LIAS: variants seen among roughly 807,000 people sequenced by gnomAD.
LIAS encodes lipoyl synthase, mitochondrial.
LIAS carries 36 observed loss-of-function variants against 49.4 expected under a neutral mutation model. The ratio of observed to expected loss-of-function variants is 0.73; its 90% CI spans 0.56 to 0.96. The LOEUF (loss-of-function observed/expected upper bound fraction) is 0.96. Among genes scored for constraint, LIAS ranks in the 40% least tolerant of loss-of-function variants. The pLI is 0.00. For synonymous variants in LIAS, 145 were observed against 155.8 expected (o/e 0.93, Z 0.52); for missense variants, 399 against 456.3 (o/e 0.87, Z 1.14).
chr4:39,463,547 C>G lies in LIAS; in HGVS notation c.335C>G (p.Pro112Arg). Reference protein sequence around the residue: ...LHTVCEEARCPNIGECWGGGE... With the variant: ...LHTVCEEARCRNIGECWGGGE... ...CAGGTATGTGAGGAAGCTCGATGTC[C>G]CAATATTGGAGAGTGTTGGGGAGGT... The change falls in exon 4 of 11, where the codon CCC (proline) becomes CGC (arginine). Residue 112 changes from proline to arginine, a missense_variant. Pro to Arg is a moderately radical substitution (Grantham distance 103, BLOSUM62 -2). Around this residue, in one of 3 missense-constraint regions of LIAS, gnomAD observed 159 missense variants for 147.6 expected, o/e 1.08. Coordinates refer to ENST00000640888, the MANE Select transcript of LIAS (RefSeq NM_006859.4). 6.2e-7 allele frequency: 1 copy of G among 1,609,242 alleles called. No homozygotes were observed. Among genetic ancestry groups the G allele is most frequent in the Non-Finnish European group, 8.5e-7 (1 of 1,177,212 alleles).
chr4:39,461,040 A>G, intron 2 of LIAS, 78 bp downstream of exon 2: 1 of 1,234,436 alleles, frequency 8.1e-7, no homozygotes, highest in Non-Finnish European at 1.1e-6. Context: ...AAGCCCTAGA[A>G]TCTGTTTTTA....
intron 10 of LIAS, chr4:39,476,224 T>C (rs1745187987): frequency 6.6e-6 from 1 of 152,218 alleles, no homozygotes; most frequent in Non-Finnish European, 1.5e-5. Flanking sequence ...TGATGAGCAT[T>C]AGACTAAAAT....
chr4:39,470,037 G>A lies in LIAS; in HGVS notation c.756G>A (p.Arg252=). The change falls in exon 8 of 11, where the codon CGG becomes CGA. Residue 252 remains arginine, a synonymous_variant. Coordinates refer to ENST00000640888, the MANE Select transcript of LIAS (RefSeq NM_006859.4). ...PELQSKVRDP[R]ANFDQSLRVL... The stretch of plus-strand genomic sequence containing the variant: ...TTTCCAGTAAGGTTCGTGATCCTCG[G>A]GCCAATTTTGATCAGTCCCTACGTG... 1 of 1,608,442 alleles carries A rather than the reference G, an allele frequency of 6.2e-7. No individual in the cohort carries two copies. Among genetic ancestry groups the A allele is most frequent in the Non-Finnish European group, 8.5e-7 (1 of 1,176,374 alleles).
Position 39,477,819 on chromosome 4 carries a change from C to CA in LIAS, c.*710dup, listed in dbSNP as rs1745252530. The CA allele has an allele frequency of 2.0e-5, 3 of 152,136 alleles. No homozygotes were observed. Among genetic ancestry groups the CA allele is most frequent in the South Asian group, 2.1e-4 (1 of 4,806 alleles). The allele number at this position is 152,136 out of a possible 1,614,324, so 9.4% of individuals were successfully genotyped here. On this transcript the variant is annotated 3_prime_UTR_variant, in exon 11 of 11. Transcript: ENST00000640888. ...GCAACATGATGAGACCTTATCTCTA[C>CA]AAAAAATTAGCCAGACGTGGTGGCA...
rs1453175268 is a variant in LIAS, at chr4:39,463,752, T to C, written c.393+147T>C. On this transcript the variant is annotated intron_variant, in intron 4 of 10. Coordinates refer to ENST00000640888, the MANE Select transcript of LIAS (RefSeq NM_006859.4). ...TGAAAAATATTAAGAAAAAACCTGA[T>C]GGAATAATCCAACCTGTTGTAATCT... 7.5e-6 allele frequency: 10 copies of C among 1,339,472 alleles called. No individual in the cohort carries two copies. The East Asian group carries it at 2.8e-4, about 37-fold the overall frequency. 83.0% of individuals were successfully genotyped at this position (1,339,472 alleles called of 1,614,324 possible).
At chr4:39,459,748 G>A (rs978562102) in intron 1 of LIAS, among the ~76,000 whole-genome samples, 5 of 152,084 alleles carry the variant, frequency 3.3e-5, no homozygotes, top group African/African-American at 1.2e-4. Context: ...ATGTAACCTA[G>A]AAAGTAAAAA....
chr4:39,477,246 T>G lies in LIAS; in HGVS notation c.*131T>G. The G allele has an allele frequency of 2.9e-6, 2 of 684,288 alleles. No individual in the cohort carries two copies. The highest frequency in any genetic ancestry group is 5.0e-6 in the Non-Finnish European group (2 of 400,844). 42.4% of individuals were successfully genotyped at this position (684,288 alleles called of 1,614,324 possible). The stretch of plus-strand genomic sequence containing the variant: ...CTTTGCTTAAAAAAAAAAATGTCAA[T>G]AGCCAGGCATAGTGGCTCACGCCTG... On this transcript the variant is annotated 3_prime_UTR_variant, in exon 11 of 11. Coordinates refer to ENST00000640888, the MANE Select transcript of LIAS (RefSeq NM_006859.4).
chr4:39,465,131 C>A lies in LIAS; in HGVS notation c.479C>A (p.Pro160His). The A allele has an allele frequency of 2.5e-6, 4 of 1,614,146 alleles. No individual in the cohort carries two copies. Among genetic ancestry groups the A allele is most frequent in the Non-Finnish European group, 3.4e-6 (4 of 1,180,004 alleles). The change falls in exon 5 of 11, where the codon CCC becomes CAC. Residue 160 changes from proline (P) to histidine (H), a missense_variant. Physicochemically the swap from Pro to His is moderately conservative, Grantham distance 77. Around this residue, in one of 3 missense-constraint regions of LIAS, gnomAD observed 234 missense variants for 292.2 expected, o/e 0.80. Transcript: ENST00000640888. The part of the protein sequence containing the change: ...RNPPPLDASE[P>H]YNTAKAIAEW... ...CCTCCTCCACTGGATGCCAGTGAGC[C>A]CTACAATACTGCAAAGGCAATTGCA...
At chr4:39,473,275 C>A in intron 10 of LIAS, 64 bp downstream of exon 10, 1 of 994,176 alleles carries the variant, frequency 1.0e-6, no homozygotes, top group Non-Finnish European at 1.6e-6. Flanking sequence ...AGTTCTACCA[C>A]CAGTCACTAA....
chr4:39,466,337 C>A (rs1394276371), intron 6 of LIAS: 1 of 152,096 alleles, frequency 6.6e-6, no homozygotes, highest in East Asian at 1.9e-4. Context: ...TTTCTATTTT[C>A]TATTTACTAT....
intron 2 of LIAS, 75 bp from the exon 3 acceptor site, chr4:39,462,121 A>G (rs1028853082): frequency 1.4e-5 from 8 of 580,412 alleles, no homozygotes; most frequent in South Asian, 6.1e-5. Flanking sequence ...TTGTAATAGA[A>G]GAAATTAACT....
chr4:39,459,959 C>CA (rs3836576), intron 1 of LIAS, among the ~76,000 whole-genome samples: 43,662 of 134,840 alleles, frequency 0.32, 6,563 homozygotes, highest in Admixed American at 0.35. Flanking sequence ...GACTCCATCT[C>CA]AAAAAAAAAA....
intron 9 of LIAS, among the ~76,000 whole-genome samples, chr4:39,472,110 TACACACACACATATAC>T (rs1429524177): frequency 4.2e-5 from 6 of 143,662 alleles, no homozygotes; most frequent in South Asian, 2.2e-4. Context: ...TATCTGTATA[TACACACACACATATAC>T]ACACACACAC....
intron 10 of LIAS, chr4:39,476,828 C>T (rs1236610666): frequency 2.3e-6 from 1 of 441,602 alleles, no homozygotes; most frequent in Non-Finnish European, 4.0e-6. Flanking sequence ...TATTGGCTTA[C>T]TAGAAAGAAT....
intron 8 of LIAS, among the ~76,000 whole-genome samples, chr4:39,471,009 T>C (rs766526200): frequency 6.6e-6 from 1 of 152,220 alleles, no homozygotes; most frequent in Non-Finnish European, 1.5e-5. Context: ...TATTTATCCT[T>C]GTATGTATCA....
At chr4:39,476,222 A>G (rs1355299970) in intron 10 of LIAS, 1 of 152,238 alleles carries the variant, frequency 6.6e-6, no homozygotes, top group Non-Finnish European at 1.5e-5. Context: ...TATGATGAGC[A>G]TTAGACTAAA....
intron 6 of LIAS, chr4:39,466,117 G>A (rs1744745901): frequency 6.6e-6 from 1 of 152,026 alleles, no homozygotes; most frequent in Non-Finnish European, 1.5e-5. Flanking sequence ...TGGGACTACA[G>A]GTACACTACC....
At position 39,471,494 on chromosome 4, in the gene LIAS, C is replaced by T. The variant is rs73137456; in HGVS notation, c.954+188C>T. ...GACTACAGGCGGGTGCCACTACATC[C>T]GGCTAAAATATACATATATATAATT... On this transcript the variant is annotated intron_variant, in intron 9 of 10. Coordinates refer to ENST00000640888, the MANE Select transcript of LIAS (RefSeq NM_006859.4). Among the ~76,000 whole-genome samples the T allele has an allele frequency of 0.079, 11,588 of 146,404 alleles. 568 individuals carry two copies. The highest frequency in any genetic ancestry group is 0.13 in the African/African-American group (5,244 of 39,732).
At position 39,466,732 on chromosome 4, in the gene LIAS, T is replaced by C. The variant is rs959876779; in HGVS notation, c.609-786T>C. ...GTTTTTATTTAAAAAAAAAAAATTA[T>C]AGGATATGTTCTTTGAATATCTCTT... On this transcript the variant is annotated intron_variant, in intron 6 of 10. Transcript: ENST00000640888. 6 of 152,152 alleles carry C rather than the reference T, an allele frequency of 3.9e-5. No homozygotes were observed. The East Asian group carries it at 1.2e-3, about 29-fold the overall frequency. The allele number at this position is 152,152 out of a possible 1,614,324, so 9.4% of individuals were successfully genotyped here.
Sources: allele counts gnomAD v4.1 joint callset (sites outside exome capture counted in the v4.1 genomes callset), GRCh38; gene constraint gnomAD v4.1.1; regional missense constraint gnomAD v4.1.1; transcripts MANE v1.5; gene names NCBI Gene and HGNC (gene_info 2026-07-23, HGNC 2026-07-21).